Variants in CCNJL observed in about 807,000 individuals in gnomAD.
CCNJL encodes the protein cyclin-J-like protein.
Under a neutral mutation model 33.4 loss-of-function variants are expected in CCNJL, and 33 were observed. That is an observed-to-expected ratio of 0.99 (90% CI 0.75 to 1.32). CCNJL has a LOEUF of 1.32. CCNJL is among the 40% of genes most tolerant of loss of function. CCNJL has a pLI of 0.00. For missense variants in CCNJL, 512 were observed against 499.7 expected (o/e 1.02, Z -0.23); for synonymous variants, 227 against 220.9 (o/e 1.03, Z -0.24).
intron 2 of CCNJL, among the ~76,000 whole-genome samples, chr5:160,303,744 G>GTT (rs1489174139): frequency 1.6e-4 from 24 of 149,462 alleles, no homozygotes; most frequent in African/African-American, 5.9e-4. Flanking sequence ...GTGTGTGTGT[G>GTT]TAATAACTCA....
intron 1 of CCNJL, among the ~76,000 whole-genome samples, chr5:160,319,220 A>C (rs1763411830): frequency 6.6e-6 from 1 of 152,088 alleles, no homozygotes; most frequent in Non-Finnish European, 1.5e-5. Flanking sequence ...TCAACAAGGG[A>C]TCCTCCTGCC....
intron 2 of CCNJL, among the ~76,000 whole-genome samples, chr5:160,304,124 G>A (rs1763015800): frequency 6.6e-6 from 1 of 152,212 alleles, no homozygotes; most frequent in African/African-American, 2.4e-5. Context: ...AAGGTAATTT[G>A]CTTCTGCCAC....
intron 2 of CCNJL, among the ~76,000 whole-genome samples, chr5:160,285,122 G>A (rs1231948953): frequency 1.3e-5 from 2 of 152,126 alleles, no homozygotes; most frequent in African/African-American, 4.8e-5. Context: ...CCTGGTAGGT[G>A]GAGGTTGCAG....
chr5:160,279,098 A>G (rs1373924645), intron 3 of CCNJL, among the ~76,000 whole-genome samples: 1 of 152,214 alleles, frequency 6.6e-6, no homozygotes, highest in Non-Finnish European at 1.5e-5. Context: ...TGAAAACTCT[A>G]AATCTGTGCT....
chr5:160,259,819 A>G, intron 3 of CCNJL, 48 bp from the exon 4 acceptor site: 1 of 1,517,376 alleles, frequency 6.6e-7, no homozygotes, highest in Non-Finnish European at 8.9e-7. Context: ...CATTTACCTG[A>G]ACCCAGGAAG....
In CCNJL at chr5:160,253,535, G is replaced by C; in HGVS notation, c.1007C>G (p.Pro336Arg). Residue 336 changes from proline (P) to arginine (R), a missense_variant, in exon 6 of 6, where the codon CCG becomes CGG. Transcript: ENST00000257536. ...TGSSLHTPYQ[P>R]LQPLDMCPVP... is the part of the protein sequence containing the mutation. ...GGGACACATATCCAAGGGCTGCAGC[G>C]GTTGGTACGGGGTGTGGAGGGATGA... is the stretch of plus-strand genomic sequence containing the variant. 6.2e-7 allele frequency: 1 copy of C among 1,614,198 alleles called. No homozygotes were observed. The highest frequency in any genetic ancestry group is 8.5e-7 in the Non-Finnish European group (1 of 1,180,038).
Position 160,320,850 on chromosome 5 carries a change from C to CTCTTTCTTTCTTTCCTTCTTTCT in CCNJL, n.207-5346_207-5345insAGAAAGAAGGAAAGAAAGAAAGA, listed in dbSNP as rs1763439271. On this transcript the variant is annotated intron_variant and non_coding_transcript_variant, in intron 1 of 7. Coordinates refer to the CCNJL transcript ENST00000377503. ...CTTTCTTTCTTTCTTTCTTTCTTTC[C>CTCTTTCTTTCTTTCCTTCTTTCT]TTCTTTCTTTCTTTCTTTCTCTCTT... Among the ~76,000 whole-genome samples, 2 of 55,532 alleles carry CTCTTTCTTTCTTTCCTTCTTTCT rather than the reference C, an allele frequency of 3.6e-5. 1 individual carries two copies. The highest frequency in any genetic ancestry group is 1.2e-4 in the African/African-American group (2 of 16,780). The allele number at this position is 55,532 out of a possible 152,430, so 36.4% of individuals were successfully genotyped here. A position where few individuals can be genotyped will look rare whatever the true frequency, so the allele number is the denominator to read the frequency against.
intron 3 of CCNJL, among the ~76,000 whole-genome samples, chr5:160,261,938 G>C (rs1423836573): frequency 6.6e-6 from 1 of 152,210 alleles, no homozygotes; most frequent in Non-Finnish European, 1.5e-5. Flanking sequence ...TTTGTTAAAT[G>C]AATGAATAGT....
At chr5:160,269,732 C>T (rs10063462) in intron 3 of CCNJL, among the ~76,000 whole-genome samples, 19,565 of 152,118 alleles carry the variant, frequency 0.13, 1,935 homozygotes, top group African/African-American at 0.26. Flanking sequence ...AATCTCTCCG[C>T]GTTCTGACCT....
intron 2 of CCNJL, among the ~76,000 whole-genome samples, chr5:160,281,206 A>G (rs1047444152): frequency 6.6e-6 from 1 of 152,206 alleles, no homozygotes; most frequent in Non-Finnish European, 1.5e-5. Flanking sequence ...AAATGTATGC[A>G]AAATGCCTAG....
At chr5:160,334,783 G>A (rs1763662388) in intron 1 of CCNJL, among the ~76,000 whole-genome samples, 1 of 152,200 alleles carries the variant, frequency 6.6e-6, no homozygotes, top group Non-Finnish European at 1.5e-5. Flanking sequence ...CCACCTGGAG[G>A]GTTTGTTAAG....
At chr5:160,326,425 AG>A (rs1677581397) in intron 1 of CCNJL, among the ~76,000 whole-genome samples, 1 of 144,016 alleles carries the variant, frequency 6.9e-6, no homozygotes, top group Non-Finnish European at 1.5e-5. Flanking sequence ...CAGTGAGCAA[AG>A]ATTGTACCAC....
intron 3 of CCNJL, among the ~76,000 whole-genome samples, chr5:160,267,302 G>C (rs771256006): frequency 3.3e-5 from 5 of 152,130 alleles, no homozygotes; most frequent in Non-Finnish European, 7.4e-5. Context: ...GACCCTGGGA[G>C]GTTGGGGGTG....
At chr5:160,320,799 TTCTTTCTTTCTTTCTTTC>T (rs1763433141) in intron 1 of CCNJL, among the ~76,000 whole-genome samples, 3 of 57,676 alleles carry the variant, frequency 5.2e-5, no homozygotes, top group African/African-American at 5.8e-5. Flanking sequence ...CTTTCTTTCT[TTCTTTCTTTCTTTCTTTC>T]TTTCTTTCTT....
intron 1 of CCNJL, among the ~76,000 whole-genome samples, chr5:160,321,976 G>A (rs1206203181): frequency 6.6e-6 from 1 of 152,196 alleles, no homozygotes; most frequent in African/African-American, 2.4e-5. Flanking sequence ...TAGGCAGTGG[G>A]GGTGAGGAAA....
intron 2 of CCNJL, among the ~76,000 whole-genome samples, chr5:160,294,199 G>A: frequency 6.6e-6 from 1 of 152,200 alleles, no homozygotes; most frequent in East Asian, 1.9e-4. Context: ...AAGGCAGGAG[G>A]CTCACCCTCC....
At chr5:160,256,206 T>C (rs1761056383) in intron 4 of CCNJL, among the ~76,000 whole-genome samples, 2 of 152,142 alleles carry the variant, frequency 1.3e-5, no homozygotes, top group South Asian at 2.1e-4. Context: ...AGATTTCTGA[T>C]AGCAGCCTAG....
chr5:160,314,190 A>T (rs373057915), upstream of CCNJL, among the ~76,000 whole-genome samples: 5 of 152,106 alleles, frequency 3.3e-5, no homozygotes, highest in African/African-American at 1.2e-4. Flanking sequence ...CGAACAAAAA[A>T]ACTGGGGGGA....
Position 160,268,019 on chromosome 5 carries a change from AC to A in CCNJL, c.281-8249del, listed in dbSNP as rs770387190. On this transcript the variant is annotated intron_variant, in intron 3 of 5. Coordinates refer to ENST00000257536, the MANE Select transcript of CCNJL (RefSeq NM_001308173.3). ...CAAAGGAGTGGCTCTCTAACAGGAAACTTTTTGTACTAAAGGTGCTCCCCAG... is the reference window on the plus strand; with the variant it reads ...CAAAGGAGTGGCTCTCTAACAGGAAATTTTTGTACTAAAGGTGCTCCCCAG... Among the ~76,000 whole-genome samples the A allele has an allele frequency of 2.5e-4, 38 of 152,224 alleles. 2 individuals carry two copies. Among genetic ancestry groups the A allele is most frequent in the Admixed American group, 1.7e-3 (26 of 15,284 alleles).
Sources: allele counts gnomAD v4.1 joint callset (sites outside exome capture counted in the v4.1 genomes callset), GRCh38; gene constraint gnomAD v4.1.1; transcripts MANE v1.5; gene names NCBI Gene and HGNC (gene_info 2026-07-23, HGNC 2026-07-21).